Variants in NAALAD2 observed in about 807,000 individuals in gnomAD.
NAALAD2 encodes the protein N-acetylated alpha-linked acidic dipeptidase 2, also known as N-acetylated-alpha-linked acidic dipeptidase 2.
In NAALAD2, 89 loss-of-function variants were observed where a neutral mutation model predicts 95.6. The observed-to-expected ratio is 0.93, with a 90% CI of 0.78 to 1.11. NAALAD2 has a LOEUF of 1.11. NAALAD2 is among the 50% of genes least tolerant of loss of function. The pLI is 0.00. For missense variants in NAALAD2, 894 were observed against 872.4 expected (o/e 1.02, Z -0.31); for synonymous variants, 264 against 294.4 (o/e 0.90, Z 1.06).
At chr11:90,166,950 G>C (rs1026383786) in intron 11 of NAALAD2, among the ~76,000 whole-genome samples, 1 of 152,262 alleles carries the variant, frequency 6.6e-6, no homozygotes, top group East Asian at 1.9e-4. Context: ...AGGAGTTCGA[G>C]AACAGCCTGG....
rs1951862398 is a variant in NAALAD2, at chr11:90,150,541, G to A, written c.543G>A (p.Glu181=). 6.2e-7 allele frequency: 1 copy of A among 1,611,102 alleles called. No homozygotes were observed. The highest frequency in any genetic ancestry group is 1.7e-5 in the Admixed American group (1 of 59,944). The change falls in exon 5 of 19, where the codon GAG becomes GAA. Residue 181 remains glutamate, a synonymous_variant. Transcript: ENST00000534061. ...RTEDFFKLER[E]MGINCTGKIV... is the part of the protein sequence containing the mutation. ...AAGACTTTTTCAAACTAGAAAGAGA[G>A]ATGGGCATCAACTGTACTGGGAAGA...
intron 13 of NAALAD2, among the ~76,000 whole-genome samples, chr11:90,172,939 A>G (rs1247753061): frequency 6.6e-6 from 1 of 152,048 alleles, no homozygotes; most frequent in Non-Finnish European, 1.5e-5. Context: ...CCAAGTTATA[A>G]TGCTTTCACA....
intron 6 of NAALAD2, among the ~76,000 whole-genome samples, chr11:90,154,861 A>T (rs994688344): frequency 1.4e-5 from 2 of 138,192 alleles, no homozygotes; most frequent in African/African-American, 5.4e-5. Context: ...CATAATATGT[A>T]TATATTATAT....
At chr11:90,141,703 G>T (rs59372753) in intron 2 of NAALAD2, among the ~76,000 whole-genome samples, 7,325 of 152,136 alleles carry the variant, frequency 0.048, 582 homozygotes, top group African/African-American at 0.17. Flanking sequence ...TCCCACCTAG[G>T]CCTCCCAGAG....
chr11:90,171,250 C>T (rs1189176112), intron 13 of NAALAD2, among the ~76,000 whole-genome samples: 3 of 152,176 alleles, frequency 2.0e-5, no homozygotes, highest in South Asian at 2.1e-4. Flanking sequence ...CCTTAGATAA[C>T]AATATGAAGT....
In NAALAD2 at chr11:90,170,977, G is replaced by GT. The variant is rs1435371408; in HGVS notation, c.1410+843dup. On this transcript the variant is annotated intron_variant, in intron 13 of 18. Coordinates refer to ENST00000534061, the MANE Select transcript of NAALAD2 (RefSeq NM_005467.4). ...AAATCATTAAAGAATTTCTAACAAGGTTGTTCATTGTTTTATGTCAGTGTA... is the reference window on the plus strand; with the variant it reads ...AAATCATTAAAGAATTTCTAACAAGGTTTGTTCATTGTTTTATGTCAGTGTA... 1.6e-3 allele frequency among the ~76,000 whole-genome samples: 238 copies of GT among 152,260 alleles called. 1 individual carries two copies. Among genetic ancestry groups the GT allele is most frequent in the African/African-American group, 5.5e-3 (229 of 41,566 alleles).
intron 2 of NAALAD2, among the ~76,000 whole-genome samples, chr11:90,138,725 CTTTTTTTTT>C (rs562496549): frequency 3.7e-4 from 23 of 61,522 alleles, no homozygotes; most frequent in South Asian, 1.5e-3. Flanking sequence ...CATCCCTCAA[CTTTTTTTTT>C]TTTTTTTTTT....
At chr11:90,181,944 A>G (rs1172200392) in intron 17 of NAALAD2, among the ~76,000 whole-genome samples, 1 of 151,074 alleles carries the variant, frequency 6.6e-6, no homozygotes, top group East Asian at 1.9e-4. Context: ...CCCTTCAATG[A>G]TTTATACTAA....
chr11:90,181,924 C>G (rs1008095169), intron 17 of NAALAD2, among the ~76,000 whole-genome samples: 1 of 151,676 alleles, frequency 6.6e-6, no homozygotes, highest in Admixed American at 6.6e-5. Context: ...TAACTACCAC[C>G]CCCACCCCGC....
At chr11:90,160,353 A>T (rs911998864) in intron 8 of NAALAD2, among the ~76,000 whole-genome samples, 18 of 152,298 alleles carry the variant, frequency 1.2e-4, no homozygotes, top group African/African-American at 4.1e-4. Flanking sequence ...GAGAAATGTA[A>T]CACTGATAAA....
intron 8 of NAALAD2, 25 bp downstream of exon 8, chr11:90,159,362 C>T (rs1952218355): frequency 6.6e-7 from 1 of 1,525,844 alleles, no homozygotes; most frequent in East Asian, 2.3e-5. Context: ...CTTTAATAGT[C>T]TGAAAAAGTT....
rs777380852 is a variant in NAALAD2 at position 90,191,654 on chromosome 11, C to T, written c.2130C>T (p.Asn710=). 1.2e-6 allele frequency: 2 copies of T among 1,606,016 alleles called. No homozygotes were observed. Among genetic ancestry groups the T allele is most frequent in the East Asian group, 2.2e-5 (1 of 44,588 alleles). Residue 710 remains asparagine (N), a synonymous_variant, in exon 19 of 19, where the codon AAC becomes AAT. Transcript: ENST00000534061. ...TCTTTGATATTGAAAATAAAGCCAA[C>T]TCTCGTTTGGCCTGGAAAGAAGTAA... The part of the protein sequence containing the change: ...DAIFDIENKA[N]SRLAWKEVKK...
chr11:90,191,798 A>G lies in NAALAD2; in HGVS notation c.*51A>G. 1 of 1,361,412 alleles carries G rather than the reference A, an allele frequency of 7.3e-7. No homozygotes were observed. Among genetic ancestry groups the G allele is most frequent in the Admixed American group, 2.7e-5 (1 of 37,184 alleles). 84.3% of individuals were successfully genotyped at this position (1,361,412 alleles called of 1,614,324 possible). A position where few individuals can be genotyped will look rare whatever the true frequency, so the allele number is the denominator to read the frequency against. On this transcript the variant is annotated 3_prime_UTR_variant, in exon 19 of 19. Transcript: ENST00000534061. ...AGGTGTTGCTAAAAGTCTGAGGATA[A>G]AATTCACCTTTCTGATAACTTATGA...
chr11:90,186,829 A>T (rs1410080303), intron 18 of NAALAD2, among the ~76,000 whole-genome samples: 1 of 143,528 alleles, frequency 7.0e-6, no homozygotes, highest in African/African-American at 2.6e-5. Context: ...GACAAATGGG[A>T]TCTAATTAAA....
intron 6 of NAALAD2, among the ~76,000 whole-genome samples, chr11:90,154,555 C>T (rs114142379): frequency 1.9e-3 from 285 of 151,608 alleles, no homozygotes; most frequent in African/African-American, 6.4e-3. Flanking sequence ...ATGTTTCTGT[C>T]TATGGTCATA....
chr11:90,135,131 T>C, intron 1 of NAALAD2: 1 of 379,944 alleles, frequency 2.6e-6, no homozygotes, highest in Non-Finnish European at 4.7e-6. Flanking sequence ...AATCGTTTTA[T>C]TTCCAAGCAA....
chr11:90,169,660 T>A (rs1952577486), intron 12 of NAALAD2: 1 of 168,812 alleles, frequency 5.9e-6, no homozygotes. Flanking sequence ...TGTGATTATT[T>A]CTAAATAAAT....
At chr11:90,152,874 T>G (rs1188202928) in intron 6 of NAALAD2, among the ~76,000 whole-genome samples, 1 of 152,206 alleles carries the variant, frequency 6.6e-6, no homozygotes, top group Non-Finnish European at 1.5e-5. Context: ...GAATTACATT[T>G]TTTAAAAAAA....
chr11:90,147,281 C>A lies in NAALAD2; in HGVS notation c.195-49C>A, dbSNP rs192359998. The A allele has an allele frequency of 4.1e-4, 591 of 1,427,256 alleles. 7 individuals are homozygous for A. In the South Asian group the frequency reaches 6.7e-3, roughly 16 times the overall value. The allele number at this position is 1,427,256 out of a possible 1,614,324, so 88.4% of individuals were successfully genotyped here. On this transcript the variant is annotated intron_variant, in intron 2 of 18. Transcript: ENST00000534061. ...CATTTAGAATAGTTCTTAGGCACAT[C>A]GTCTGAGCATAGTCTTTAATGCCCT...
Sources: allele counts gnomAD v4.1 joint callset (sites outside exome capture counted in the v4.1 genomes callset), GRCh38; gene constraint gnomAD v4.1.1; transcripts MANE v1.5; gene names NCBI Gene and HGNC (gene_info 2026-07-23, HGNC 2026-07-21).